Variants in NFATC1 observed in about 807,000 individuals in gnomAD.
NFATC1 encodes nuclear factor of activated T-cells, cytoplasmic 1.
Under a neutral mutation model 76.0 loss-of-function variants are expected in NFATC1, and 22 were observed. The observed-to-expected ratio is 0.29, with a 90% CI of 0.21 to 0.41. The LOEUF is 0.41. NFATC1 is among the 10% of genes least tolerant of loss of function. The pLI is 1.00. For missense variants in NFATC1, 1,357 were observed against 1,337.7 expected (o/e 1.01, Z -0.23); for synonymous variants, 704 against 613.1 (o/e 1.15, Z -2.19).
intron 3 of NFATC1, among the ~76,000 whole-genome samples, chr18:79,444,306 G>A (rs1383929936): frequency 4.6e-5 from 7 of 152,096 alleles, no homozygotes; most frequent in Non-Finnish European, 7.4e-5. Context: ...GCTTTGCCCC[G>A]ACTCCTGGCT....
intron 1 of NFATC1, among the ~76,000 whole-genome samples, chr18:79,407,548 A>G (rs1323007796): frequency 6.6e-6 from 1 of 152,208 alleles, no homozygotes. Context: ...CCTGGGCTCA[A>G]GCAATCCTGC....
chr18:79,454,625 G>T (rs538872031), intron 6 of NFATC1, among the ~76,000 whole-genome samples: 2 of 152,348 alleles, frequency 1.3e-5, no homozygotes, highest in South Asian at 4.1e-4. Flanking sequence ...GGTGTCTCAG[G>T]GCGGCGCAAA....
rs372439624 is a variant in NFATC1 at position 79,524,316 on chromosome 18, G to A, written c.2783-3212G>A. Among the ~76,000 whole-genome samples the A allele has an allele frequency of 6.6e-6, 1 of 152,248 alleles. No homozygotes were observed. Among genetic ancestry groups the A allele is most frequent in the African/African-American group, 2.4e-5 (1 of 41,470 alleles). ...ACGGCACAGGCCGTGTCTGCGGGGC[G>A]AGCACGGCTCCACGTACGGCTCTCG... On this transcript the variant is annotated intron_variant, in intron 9 of 9. Coordinates refer to ENST00000427363, the MANE Select transcript of NFATC1 (RefSeq NM_001278669.2). The surrounding 1 kb of genome is among the most constrained non-coding windows in gnomAD (Gnocchi z 7.2).
In NFATC1 at chr18:79,486,940, G is replaced by A. The variant is rs1398092376; in HGVS notation, c.2782+3G>A. The A allele has an allele frequency of 6.3e-7, 1 of 1,587,786 alleles. No individual in the cohort carries two copies. Among genetic ancestry groups the A allele is most frequent in the South Asian group, 1.1e-5 (1 of 87,858 alleles). On this transcript the variant is annotated splice_donor_region_variant and intron_variant, in intron 9 of 9. Transcript: ENST00000427363. ...GGACCAGTTGTACCTGGATGACGGTGAGTGCCCGCAGCCATGCAGGTGTGT... is the reference window on the plus strand; with the variant it reads ...GGACCAGTTGTACCTGGATGACGGTAAGTGCCCGCAGCCATGCAGGTGTGT...
intron 2 of NFATC1, among the ~76,000 whole-genome samples, chr18:79,430,100 G>A (rs1200500806): frequency 6.6e-6 from 1 of 152,226 alleles, no homozygotes; most frequent in Non-Finnish European, 1.5e-5. Context: ...GAGTTCCCAC[G>A]ACGACAAAAT....
intron 6 of NFATC1, among the ~76,000 whole-genome samples, chr18:79,458,855 G>A (rs11663201): frequency 0.39 from 59,583 of 152,204 alleles, 12,930 homozygotes; most frequent in African/African-American, 0.6. Flanking sequence ...CCATCTTTCA[G>A]CAGTCTCGGC....
chr18:79,423,669 C>T (rs985299088), intron 2 of NFATC1, among the ~76,000 whole-genome samples: 4 of 152,176 alleles, frequency 2.6e-5, no homozygotes, highest in African/African-American at 9.7e-5. Context: ...TCCTGAGCCT[C>T]ACCCGGCGGG....
intron 2 of NFATC1, among the ~76,000 whole-genome samples, chr18:79,414,355 C>T (rs2085804919): frequency 6.6e-6 from 1 of 152,166 alleles, no homozygotes; most frequent in South Asian, 2.1e-4. Context: ...AACTGCTGCT[C>T]CATTAATCCT....
At chr18:79,442,233 C>T (rs768813395) in intron 3 of NFATC1, among the ~76,000 whole-genome samples, 1 of 152,210 alleles carries the variant, frequency 6.6e-6, no homozygotes, top group Non-Finnish European at 1.5e-5. Context: ...TGGAGACCCG[C>T]GTGCACGTGT....
At chr18:79,523,281 TATATC>T (rs1172049848) in intron 9 of NFATC1, among the ~76,000 whole-genome samples, 1 of 152,152 alleles carries the variant, frequency 6.6e-6, no homozygotes, top group Non-Finnish European at 1.5e-5. Flanking sequence ...GGGGGCAAAA[TATATC>T]AAACAGCGTT....
chr18:79,494,355 G>GC (rs1167339041), intron 9 of NFATC1, among the ~76,000 whole-genome samples: 1 of 108,094 alleles, frequency 9.3e-6, no homozygotes, highest in Non-Finnish European at 2.0e-5. Flanking sequence ...GCGGGCACAC[G>GC]CCCCCCATCG....
intron 1 of NFATC1, among the ~76,000 whole-genome samples, chr18:79,409,139 CCATCCATCCGTCATCCATCTATCCATCAT>C (rs1481334190): frequency 1.3e-5 from 1 of 77,630 alleles, no homozygotes; most frequent in African/African-American, 3.1e-5. Context: ...CATTCCCTAT[CCATCCATCCGTCATCCATCTATCCATCAT>C]CATCCATCCA....
chr18:79,430,199 G>T (rs1039908146), intron 2 of NFATC1, among the ~76,000 whole-genome samples: 1 of 152,226 alleles, frequency 6.6e-6, no homozygotes, highest in African/African-American at 2.4e-5. Flanking sequence ...GTAATAGTCA[G>T]CTGCAGAGTG....
intron 9 of NFATC1, among the ~76,000 whole-genome samples, chr18:79,494,346 C>T (rs879001596): frequency 1.7e-5 from 2 of 116,004 alleles, no homozygotes; most frequent in Non-Finnish European, 3.7e-5. Flanking sequence ...AAGGCGAGAG[C>T]GGGCACACGC....
intron 2 of NFATC1, among the ~76,000 whole-genome samples, chr18:79,418,645 C>T (rs1288941036): frequency 2.6e-5 from 4 of 152,234 alleles, no homozygotes; most frequent in Non-Finnish European, 5.9e-5. Context: ...GTGAGGGGCT[C>T]AGAGTTGAGA....
At chr18:79,503,733 A>G (rs2090061893) in intron 9 of NFATC1, among the ~76,000 whole-genome samples, 1 of 152,212 alleles carries the variant, frequency 6.6e-6, no homozygotes, top group Non-Finnish European at 1.5e-5. Flanking sequence ...CTCTCCAGCT[A>G]TGGGAGTCCC....
At chr18:79,481,132 C>T (rs1280995387) in intron 8 of NFATC1, among the ~76,000 whole-genome samples, 33 of 152,250 alleles carry the variant, frequency 2.2e-4, no homozygotes, top group Admixed American at 2.1e-3. Flanking sequence ...GAGCACTTGG[C>T]CAAGCCCTGC....
intron 7 of NFATC1, among the ~76,000 whole-genome samples, chr18:79,464,361 CT>C (rs148112649): frequency 0.15 from 22,898 of 152,066 alleles, 1,839 homozygotes; most frequent in African/African-American, 0.18. Flanking sequence ...TCCCAAAGTG[CT>C]GGGATTACAG....
intron 2 of NFATC1, among the ~76,000 whole-genome samples, chr18:79,419,714 G>GGTGA (rs111519524): frequency 4.6e-5 from 7 of 152,152 alleles, no homozygotes; most frequent in African/African-American, 1.7e-4. Flanking sequence ...GATGTGCGTC[G>GGTGA]GTGACCACAG....
Sources: allele counts gnomAD v4.1 joint callset (sites outside exome capture counted in the v4.1 genomes callset), GRCh38; gene constraint gnomAD v4.1.1; non-coding constraint Gnocchi (gnomAD v3.1); transcripts MANE v1.5; gene names NCBI Gene and HGNC (gene_info 2026-07-23, HGNC 2026-07-21).